The following MYBPC2 variants were observed in gnomAD, a reference collection of about 807,000 sequenced individuals.
The protein encoded by MYBPC2 is myosin binding protein C2.
A neutral mutation model predicts 137.0 loss-of-function variants in MYBPC2; 122 were observed. The ratio of observed to expected loss-of-function variants is 0.89; its 90% CI spans 0.77 to 1.03. The LOEUF is 1.03. MYBPC2 is among the 50% of genes least tolerant of loss of function. The pLI, the probability that MYBPC2 is intolerant of heterozygous loss-of-function variation, is 0.00. For missense variants in MYBPC2, 1,500 were observed against 1,534.4 expected, an observed-to-expected ratio of 0.98 and a Z score of 0.37; for synonymous variants, 626 against 612.3, an observed-to-expected ratio of 1.02 and a Z score of -0.33.
chr19:50,454,053 G>T lies in MYBPC2; in HGVS notation c.1783G>T (p.Glu595Ter). 6 of 1,607,954 alleles carry T rather than the reference G, an allele frequency of 3.7e-6. No individual in the cohort carries two copies. The highest frequency in any genetic ancestry group is 5.1e-6 in the Non-Finnish European group (6 of 1,177,398). ...FTTTEGRTRI[E>*]KRVDCSSFVI... ...GACCACCGAGGGCAGGACCCGCATC[G>T]AGAAGCGGGTGGACTGCAGCAGCTT... Residue 595 changes from glutamate (E) to a stop codon, truncating the protein, a stop_gained, in exon 17 of 28, where the codon GAG becomes TAG. Transcript: ENST00000357701. LOFTEE classifies it high-confidence loss of function.
At chr19:50,438,209 G>C (rs765452848) in intron 7 of MYBPC2, among the ~76,000 whole-genome samples, 1 of 152,058 alleles carries the variant, frequency 6.6e-6, no homozygotes. Context: ...ATATCCATCC[G>C]TTAACCACCA....
At chr19:50,457,462 C>G (rs1045909778) in intron 20 of MYBPC2, among the ~76,000 whole-genome samples, 1 of 152,222 alleles carries the variant, frequency 6.6e-6, no homozygotes, top group South Asian at 2.1e-4. Context: ...GCTGCGCCCT[C>G]AGACAGAGCC....
chr19:50,441,755 G>A lies in MYBPC2; in HGVS notation c.770-426G>A, dbSNP rs373135885. ...CTTGGGAGGCTGAGGCAGGAGAATC[G>A]CTTAAGCCAGGGAGGCAGAGGTTGT... On this transcript the variant is annotated intron_variant, in intron 8 of 27. Coordinates refer to ENST00000357701, the MANE Select transcript of MYBPC2 (RefSeq NM_004533.4). 1.7e-4 allele frequency among the ~76,000 whole-genome samples: 26 copies of A among 152,088 alleles called. No individual in the cohort carries two copies. The East Asian group carries it at 2.7e-3, about 16-fold the overall frequency.
Position 50,461,576 on chromosome 19 carries a change from C to T in MYBPC2, c.2966C>T (p.Thr989Ile). 1 of 1,613,816 alleles carries T rather than the reference C, an allele frequency of 6.2e-7. No homozygotes were observed. The highest frequency in any genetic ancestry group is 2.2e-5 in the East Asian group (1 of 44,884). The change falls in exon 25 of 28, where the codon ACT becomes ATT. Residue 989 changes from threonine to isoleucine, a missense_variant. Coordinates refer to ENST00000357701, the MANE Select transcript of MYBPC2 (RefSeq NM_004533.4). ...WFNVYERNRH[T>I]SCTVSDLIVG... Reference sequence around the variant, plus strand: ...AACGTCTATGAACGTAACAGGCACACTAGCTGTACTGTGTCCGACCTTATC... The same window carrying T: ...AACGTCTATGAACGTAACAGGCACATTAGCTGTACTGTGTCCGACCTTATC...
chr19:50,449,588 C>T (rs1170019058), intron 13 of MYBPC2, among the ~76,000 whole-genome samples: 4 of 152,222 alleles, frequency 2.6e-5, no homozygotes, highest in East Asian at 1.9e-4. Flanking sequence ...GCTGCAAAGT[C>T]GCATTTCAAG....
rs1158811204 is a variant in MYBPC2, at chr19:50,435,564, C to T, written c.110-212C>T. Among the ~76,000 whole-genome samples the T allele has an allele frequency of 6.6e-6, 1 of 152,234 alleles. No individual in the cohort carries two copies. Among genetic ancestry groups the T allele is most frequent in the Non-Finnish European group, 1.5e-5 (1 of 68,042 alleles). ...CAGTCCACAGATGAGGAAACCGAGG[C>T]CCAAAGGGGTGAGGGAGCCTGGCCA... On this transcript the variant is annotated intron_variant, in intron 2 of 27. Transcript: ENST00000357701. This position sits in a 1 kb window ranked among gnomAD's most constrained non-coding sequence, Gnocchi z 4.8.
intron 13 of MYBPC2, among the ~76,000 whole-genome samples, chr19:50,450,539 G>T (rs1266995078): frequency 6.6e-6 from 1 of 152,142 alleles, no homozygotes; most frequent in East Asian, 1.9e-4. Context: ...AAAGTGCTGG[G>T]ATTACAGATG....
chr19:50,456,577 C>T (rs2039916660), intron 20 of MYBPC2, among the ~76,000 whole-genome samples: 1 of 151,880 alleles, frequency 6.6e-6, no homozygotes, highest in African/African-American at 2.4e-5. Context: ...ACTACAGATG[C>T]CTGCAACCAT....
rs375928805 is a variant in MYBPC2 at position 50,461,685 on chromosome 19, C to T, written c.3075C>T (p.Ala1025=). Residue 1025 remains alanine, a synonymous_variant, in exon 25 of 28, where the codon GCC becomes GCT. Transcript: ENST00000357701. Reference sequence around the variant, plus strand: ...CACCTGGTGTCTCCAAGAACACGGCCCGCATCCTCAAGACAGGTACAGCCA... The same window carrying T: ...CACCTGGTGTCTCCAAGAACACGGCTCGCATCCTCAAGACAGGTACAGCCA... ...SDSPGVSKNT[A]RILKTGITFK... 21 of 1,613,582 alleles carry T rather than the reference C, an allele frequency of 1.3e-5. No individual in the cohort carries two copies. The African/African-American group carries it at 2.1e-4, about 16-fold the overall frequency.
At position 50,458,704 on chromosome 19, in the gene MYBPC2, G is replaced by A. The variant is rs776977854; in HGVS notation, c.2456G>A (p.Arg819His). ...FRVVGVNIAG[R>H]SEPATLAQPV... is the part of the protein sequence containing the mutation. ...GTAGTTGGGGTCAACATCGCGGGGC[G>A]CAGCGAGCCGGCCACCCTGGCCCAG... The change falls in exon 21 of 28, where the codon CGC becomes CAC. Residue 819 changes from arginine to histidine, a missense_variant. Transcript: ENST00000357701. The A allele has an allele frequency of 6.8e-6, 11 of 1,610,182 alleles. No individual in the cohort carries two copies. The South Asian group carries it at 1.1e-4, about 16-fold the overall frequency.
At position 50,435,143 on chromosome 19, in the gene MYBPC2, C is replaced by A; in HGVS notation, c.20-18C>A. ...GTGCAGACCGCATGCTCAACTATGACTGTCCCCTACCTTACAGCGGCCAAA... is the reference window on the plus strand; with the variant it reads ...GTGCAGACCGCATGCTCAACTATGAATGTCCCCTACCTTACAGCGGCCAAA... On this transcript the variant is annotated intron_variant, in intron 1 of 27. Transcript: ENST00000357701. The surrounding 1 kb of genome is among the most constrained non-coding windows in gnomAD (Gnocchi z 4.8). 1 of 1,198,638 alleles carries A rather than the reference C, an allele frequency of 8.3e-7. No homozygotes were observed. The allele number at this position is 1,198,638 out of a possible 1,614,324, so 74.3% of individuals were successfully genotyped here.
chr19:50,433,742 G>A (rs1158086659), intron 1 of MYBPC2, among the ~76,000 whole-genome samples: 1 of 151,452 alleles, frequency 6.6e-6, no homozygotes, highest in African/African-American at 2.4e-5. Flanking sequence ...ATCCGGGGAT[G>A]GCATCCTCTG....
Position 50,436,133 on chromosome 19 carries a change from C to T in MYBPC2, c.318C>T (p.Phe106=). The change falls in exon 4 of 28, where the codon TTC becomes TTT. Residue 106 remains phenylalanine (F), a synonymous_variant. Transcript: ENST00000357701. The part of the protein sequence containing the change: ...LGSKSGARFS[F]KESHNSASNV... ...GCAAGAGTGGCGCCCGCTTCTCCTT[C>T]AAGGAGTCCCACAACTCCGCCAGCA... The T allele has an allele frequency of 6.3e-7, 1 of 1,582,080 alleles. No individual in the cohort carries two copies. Among genetic ancestry groups the T allele is most frequent in the South Asian group, 1.2e-5 (1 of 86,158 alleles).
intron 20 of MYBPC2, among the ~76,000 whole-genome samples, chr19:50,457,278 C>T (rs191820161): frequency 1.8e-4 from 28 of 152,288 alleles, no homozygotes; most frequent in Non-Finnish European, 2.9e-5. Context: ...CCCACCCTGA[C>T]GTTTCAGAAC....
Position 50,459,941 on chromosome 19 carries a change from G to A in MYBPC2, c.2792-99G>A, listed in dbSNP as rs1046801695. ...AGGAATGGGAATGGGGCATAAGAGAGGTTAGAATCAGGAGGGAGGGGGTGT... is the reference window on the plus strand; with the variant it reads ...AGGAATGGGAATGGGGCATAAGAGAAGTTAGAATCAGGAGGGAGGGGGTGT... On this transcript the variant is annotated intron_variant, in intron 23 of 27. Transcript: ENST00000357701. The A allele has an allele frequency of 2.7e-6, 4 of 1,499,428 alleles. No homozygotes were observed. In the African/African-American group the frequency reaches 4.3e-5, roughly 16 times the overall value. 92.9% of individuals were successfully genotyped at this position (1,499,428 alleles called of 1,614,324 possible). A position where few individuals can be genotyped will look rare whatever the true frequency, so the allele number is the denominator to read the frequency against.
At chr19:50,448,930 A>T (rs747771248) in intron 13 of MYBPC2, among the ~76,000 whole-genome samples, 20 of 151,816 alleles carry the variant, frequency 1.3e-4, no homozygotes, top group Non-Finnish European at 2.5e-4. Flanking sequence ...GAGTTTCACC[A>T]TGTTGGCCAG....
intron 20 of MYBPC2, among the ~76,000 whole-genome samples, chr19:50,458,133 A>C (rs190734666): frequency 9.6e-5 from 14 of 145,278 alleles, no homozygotes; most frequent in African/African-American, 2.8e-4. Flanking sequence ...AACATGGTGA[A>C]ACCCCATCTC....
At chr19:50,456,437 T>C (rs1459533761) in intron 20 of MYBPC2, among the ~76,000 whole-genome samples, 2 of 147,920 alleles carry the variant, frequency 1.4e-5, no homozygotes, top group South Asian at 2.1e-4. Context: ...CTCTCTCTCT[T>C]TTTTTTTTTT....
At chr19:50,442,053 G>GC (rs1052113391) in intron 8 of MYBPC2, 128 bp from the exon 9 acceptor site, 6 of 1,198,804 alleles carry the variant, frequency 5.0e-6, no homozygotes, top group South Asian at 4.8e-5. Context: ...TTCATAGGAG[G>GC]CCCCCTGACT....
Sources: allele counts gnomAD v4.1 joint callset (sites outside exome capture counted in the v4.1 genomes callset), GRCh38; gene constraint gnomAD v4.1.1; non-coding constraint Gnocchi (gnomAD v3.1); transcripts MANE v1.5; gene names NCBI Gene and HGNC (gene_info 2026-07-23, HGNC 2026-07-21).